MAP7D2: variants seen among roughly 807,000 people sequenced by gnomAD.
MAP7D2 encodes MAP7 domain containing 2, also known as MAP7 domain-containing protein 2.
A neutral mutation model predicts 63.5 loss-of-function variants in MAP7D2; 33 were observed. That is an observed-to-expected ratio of 0.52 (90% CI 0.39 to 0.70). The LOEUF (loss-of-function observed/expected upper bound fraction) is 0.70. Ranked by LOEUF, MAP7D2 falls within the 30% of genes least tolerant of loss-of-function variation. The pLI is 0.00. For synonymous variants in MAP7D2, 224 were observed against 223.7 expected (o/e 1.00, Z -0.01); for missense variants, 626 against 604.0 (o/e 1.04, Z -0.38).
intron 1 of MAP7D2, among the ~76,000 whole-genome samples, chrX:20,094,559 T>C (rs1341593315): frequency 6.1e-4 from 9 of 14,718 alleles, no homozygotes; most frequent in African/African-American, 2.2e-3. Context: ...TATATATATA[T>C]ATATATATAC....
intron 1 of MAP7D2, among the ~76,000 whole-genome samples, chrX:20,073,102 A>G (rs1309764189): frequency 9.0e-6 from 1 of 111,634 alleles, no homozygotes; most frequent in East Asian, 2.8e-4. Flanking sequence ...GTTCCACAAC[A>G]AGGCTTAAAA....
intron 6 of MAP7D2, among the ~76,000 whole-genome samples, chrX:20,050,289 A>T (rs1332859606): frequency 8.9e-6 from 1 of 111,865 alleles, no homozygotes; most frequent in Non-Finnish European, 1.9e-5. Context: ...TTGCTGGTCC[A>T]TGGACCACCT....
At chrX:20,072,799 G>A (rs376941861) in intron 1 of MAP7D2, among the ~76,000 whole-genome samples, 8 of 111,532 alleles carry the variant, frequency 7.2e-5, no homozygotes, top group East Asian at 2.8e-4. Flanking sequence ...ATAATATGGC[G>A]TTATACATCC....
At chrX:20,094,492 A>ATATATGTATATATATATATATG (rs2066158202) in intron 1 of MAP7D2, among the ~76,000 whole-genome samples, 1 of 13,730 alleles carries the variant, frequency 7.3e-5, no homozygotes, top group Non-Finnish European at 1.4e-4. Flanking sequence ...ACATACATAT[A>ATATATGTATATATATATATATG]TATATATATA....
At chrX:20,044,944 T>C (rs1194186249) in intron 6 of MAP7D2, among the ~76,000 whole-genome samples, 1 of 111,808 alleles carries the variant, frequency 8.9e-6, no homozygotes, top group African/African-American at 3.3e-5. Context: ...CACCATTAAC[T>C]GATGGGTGTC....
chrX:20,063,029 CT>C (rs1184219221), intron 3 of MAP7D2, among the ~76,000 whole-genome samples: 65 of 104,083 alleles, frequency 6.2e-4, no homozygotes, highest in Admixed American at 1.4e-3. Context: ...TCCTCTGAGT[CT>C]TTTTTTTTTT....
At chrX:20,012,643 G>T in intron 14 of MAP7D2, 108 bp from the exon 15 acceptor site, 1 of 647,632 alleles carries the variant, frequency 1.5e-6, no homozygotes, top group Non-Finnish European at 2.3e-6. Flanking sequence ...CACTGATACT[G>T]CAGCATCTTT....
chrX:20,101,256 C>G (rs1248664336), intron 1 of MAP7D2, among the ~76,000 whole-genome samples: 1 of 112,175 alleles, frequency 8.9e-6, no homozygotes, highest in Non-Finnish European at 1.9e-5. Flanking sequence ...GCAATATCCG[C>G]TAATGCTGAA....
chrX:20,027,757 GGA>G (rs56796954), intron 8 of MAP7D2, among the ~76,000 whole-genome samples: 2,077 of 76,102 alleles, frequency 0.027, 135 homozygotes, highest in African/African-American at 0.082. Context: ...GAAGGCGGGG[GGA>G]GAGAGAGAGA....
intron 1 of MAP7D2, among the ~76,000 whole-genome samples, chrX:20,071,814 C>T (rs533083949): frequency 2.7e-5 from 3 of 111,539 alleles, no homozygotes; most frequent in African/African-American, 9.8e-5. Context: ...TTTTGTTTTC[C>T]GTGGAGGTGG....
intron 1 of MAP7D2, among the ~76,000 whole-genome samples, chrX:20,113,490 C>T (rs1020225045): frequency 6.3e-5 from 7 of 111,796 alleles, no homozygotes; most frequent in African/African-American, 2.3e-4. Flanking sequence ...GTGATCCGCC[C>T]GCCTCGGCCT....
At chrX:20,062,500 G>T (rs1178728400) in intron 3 of MAP7D2, among the ~76,000 whole-genome samples, 3 of 110,383 alleles carry the variant, frequency 2.7e-5, no homozygotes, top group Non-Finnish European at 5.7e-5. Context: ...AAGAAGGAAG[G>T]GGTAAATATA....
At chrX:20,058,192 G>C (rs541401251) in intron 3 of MAP7D2, among the ~76,000 whole-genome samples, 36 of 112,852 alleles carry the variant, frequency 3.2e-4, no homozygotes, top group Middle Eastern at 9.2e-3. Flanking sequence ...ATTAAACGAT[G>C]ATGGCCAACT....
intron 8 of MAP7D2, among the ~76,000 whole-genome samples, chrX:20,037,175 T>C (rs2064517709): frequency 9.0e-6 from 1 of 110,987 alleles, no homozygotes; most frequent in Admixed American, 9.6e-5. Flanking sequence ...CAATAGGCCA[T>C]CTGCAAGCTG....
chrX:20,055,688 G>C (rs2065053254), intron 4 of MAP7D2: 2 of 753,576 alleles, frequency 2.7e-6, no homozygotes, highest in African/African-American at 4.4e-5. Context: ...AGGATGATCA[G>C]AACAGTTATC....
intron 1 of MAP7D2, among the ~76,000 whole-genome samples, chrX:20,103,377 C>T (rs1205760539): frequency 1.8e-5 from 2 of 111,424 alleles, no homozygotes; most frequent in African/African-American, 3.3e-5. Flanking sequence ...AGGGCCACCA[C>T]GGAGCCAGGA....
At chrX:20,041,136 C>T (rs2064644478) in intron 8 of MAP7D2, among the ~76,000 whole-genome samples, 1 of 111,388 alleles carries the variant, frequency 9.0e-6, no homozygotes, top group South Asian at 3.8e-4. Flanking sequence ...AAAGTCTCAG[C>T]GTAAACTAGG....
At position 20,116,828 on chromosome X, in the gene MAP7D2, C is replaced by T. The variant is rs2066908114; in HGVS notation, c.52G>A (p.Ala18Thr). ...SGTGSRPEGTARGTSLPGKIA... is the reference protein window; with the variant it reads ...SGTGSRPEGTTRGTSLPGKIA... Reference sequence around the variant, plus strand: ...TTCCCTGGGAGAGAGGTTCCCCGCGCAGTCCCCTCAGGCCGGGATCCCGTC... The same window carrying T: ...TTCCCTGGGAGAGAGGTTCCCCGCGTAGTCCCCTCAGGCCGGGATCCCGTC... The change falls in exon 1 of 17, where the codon GCG becomes ACG. Residue 18 changes from alanine (A) to threonine (T), a missense_variant. Ala to Thr is a moderately conservative substitution (Grantham distance 58). Coordinates refer to ENST00000379643, the MANE Select transcript of MAP7D2 (RefSeq NM_001168465.2). 2 of 1,178,826 alleles carry T rather than the reference C, an allele frequency of 1.7e-6. No homozygotes were observed. Among genetic ancestry groups the T allele is most frequent in the African/African-American group, 1.8e-5 (1 of 55,477 alleles).
At chrX:20,063,069 T>C (rs2065261165) in intron 3 of MAP7D2, among the ~76,000 whole-genome samples, 1 of 110,116 alleles carries the variant, frequency 9.1e-6, no homozygotes, top group African/African-American at 3.3e-5. Flanking sequence ...CCAGGGACCC[T>C]TTGAGTCTTA....
Sources: allele counts gnomAD v4.1 joint callset (sites outside exome capture counted in the v4.1 genomes callset), GRCh38; gene constraint gnomAD v4.1.1; transcripts MANE v1.5; gene names NCBI Gene and HGNC (gene_info 2026-07-23, HGNC 2026-07-21).